Variants in COX10 observed in about 807,000 individuals in gnomAD.
The protein encoded by COX10 is cytochrome c oxidase assembly factor heme A:farnesyltransferase COX10.
Under a neutral mutation model 37.3 loss-of-function variants are expected in COX10, and 27 were observed. The ratio of observed to expected loss-of-function variants is 0.72; its 90% CI spans 0.53 to 1.00. COX10 has a LOEUF of 1.00. Among genes scored for constraint, COX10 ranks in the 50% least tolerant of loss-of-function variants. The pLI is 0.00. For missense variants in COX10, 475 were observed against 563.2 expected (o/e 0.84, Z 1.59); for synonymous variants, 222 against 229.1 (o/e 0.97, Z 0.28).
At chr17:14,119,547 T>C (rs578160909) in intron 4 of COX10, among the ~76,000 whole-genome samples, 12 of 152,186 alleles carry the variant, frequency 7.9e-5, no homozygotes, top group Non-Finnish European at 1.0e-4. Flanking sequence ...AAAATTGCTT[T>C]AGTGGGAGCT....
intron 6 of COX10, 132 bp from the exon 7 acceptor site, chr17:14,206,678 G>A (rs1906709959): frequency 7.0e-6 from 8 of 1,139,454 alleles, no homozygotes; most frequent in Admixed American, 3.5e-5. Flanking sequence ...ATGTAGGCAG[G>A]CAGCGATGAG....
At position 14,124,613 on chromosome 17, in the gene COX10, A is replaced by G. The variant is rs1363924567; in HGVS notation, c.624+22371A>G. The stretch of plus-strand genomic sequence containing the variant: ...ATTAAGATGGTATATTCATTTCATA[A>G]CAGTTGATTGTTAGGATTACATAAG... On this transcript the variant is annotated intron_variant, in intron 4 of 6. Coordinates refer to ENST00000261643, the MANE Select transcript of COX10 (RefSeq NM_001303.4). 2.0e-5 allele frequency among the ~76,000 whole-genome samples: 3 copies of G among 152,130 alleles called. No individual in the cohort carries two copies. The South Asian group carries it at 6.2e-4, about 32-fold the overall frequency.
At chr17:14,075,564 G>A (rs1222118704) in intron 2 of COX10, among the ~76,000 whole-genome samples, 1 of 152,124 alleles carries the variant, frequency 6.6e-6, no homozygotes, top group East Asian at 1.9e-4. Context: ...CTGTTTAGAA[G>A]ATTAAATGAG....
At chr17:14,073,523 G>A (rs1408821904) in intron 1 of COX10, among the ~76,000 whole-genome samples, 1 of 152,158 alleles carries the variant, frequency 6.6e-6, no homozygotes, top group Non-Finnish European at 1.5e-5. Context: ...CTCTAGAAAT[G>A]GTTTGAAGAT....
intron 4 of COX10, among the ~76,000 whole-genome samples, chr17:14,137,950 G>GTTT (rs55924353): frequency 6.0e-5 from 8 of 134,396 alleles, no homozygotes; most frequent in Admixed American, 7.3e-5. Context: ...ACACAATTCA[G>GTTT]TTTTTTTTTT....
intron 4 of COX10, among the ~76,000 whole-genome samples, chr17:14,129,558 G>T (rs368038645): frequency 3.9e-5 from 6 of 152,136 alleles, no homozygotes; most frequent in Non-Finnish European, 5.9e-5. Context: ...TTTTATTTAG[G>T]CTTATATGGA....
rs571728903 is a variant in COX10, at chr17:14,144,789, G to A, written c.625-15088G>A. On this transcript the variant is annotated intron_variant, in intron 4 of 6. Transcript: ENST00000261643. ...ATGCTGGCTACGATGTGAGCTCAAA[G>A]TTTTCTTTTCTTTTTCTTTTTTTTC... is the stretch of plus-strand genomic sequence containing the variant. Among the ~76,000 whole-genome samples, 8 of 152,210 alleles carry A rather than the reference G, an allele frequency of 5.3e-5. No homozygotes were observed. The East Asian group carries it at 1.4e-3, about 26-fold the overall frequency.
intron 3 of COX10, among the ~76,000 whole-genome samples, chr17:14,098,693 AC>A (rs1389029238): frequency 6.6e-6 from 1 of 152,166 alleles, no homozygotes; most frequent in African/African-American, 2.4e-5. Flanking sequence ...CCCCATTGGC[AC>A]AAGGGTAAAA....
chr17:14,187,349 T>C (rs1199342526), intron 5 of COX10, among the ~76,000 whole-genome samples: 3 of 152,228 alleles, frequency 2.0e-5, no homozygotes, highest in African/African-American at 7.2e-5. Context: ...TGAAAAAAAG[T>C]ATATTGGTTG....
chr17:14,186,787 C>T (rs1051072762), intron 5 of COX10, among the ~76,000 whole-genome samples: 1 of 152,176 alleles, frequency 6.6e-6, no homozygotes, highest in African/African-American at 2.4e-5. Flanking sequence ...TCAGCAGACC[C>T]AGGAAAGAAG....
At chr17:14,116,891 C>G (rs1916127000) in intron 4 of COX10, among the ~76,000 whole-genome samples, 1 of 152,200 alleles carries the variant, frequency 6.6e-6, no homozygotes, top group Non-Finnish European at 1.5e-5. Context: ...TATCCCTCTT[C>G]TAATCAAAAC....
intron 5 of COX10, chr17:14,179,083 G>A (rs1370736667): frequency 6.0e-6 from 1 of 167,660 alleles, no homozygotes; most frequent in East Asian, 1.9e-4. Context: ...AATTCTTTCT[G>A]TGTGTTATAA....
Position 14,175,090 on chromosome 17 carries a change from G to GT in COX10, c.695+15143_695+15144insT. The stretch of plus-strand genomic sequence containing the variant: ...GTGGTTACTGGGAAATAGCGGGGGG[G>GT]GGGGGGGTGGATAGGAGGGAATTGG... On this transcript the variant is annotated intron_variant, in intron 5 of 6. Transcript: ENST00000261643. Among the ~76,000 whole-genome samples the GT allele has an allele frequency of 1.0e-4, 8 of 79,054 alleles. 2 individuals carry two copies. Among genetic ancestry groups the GT allele is most frequent in the African/African-American group, 2.2e-4 (6 of 27,148 alleles). The allele number at this position is 79,054 out of a possible 152,430, so 51.9% of individuals were successfully genotyped here.
At chr17:14,181,173 C>T (rs1905846047) in intron 5 of COX10, among the ~76,000 whole-genome samples, 1 of 152,094 alleles carries the variant, frequency 6.6e-6, no homozygotes, top group Non-Finnish European at 1.5e-5. Flanking sequence ...GATGGCCATA[C>T]AAAAGATGGA....
intron 4 of COX10, among the ~76,000 whole-genome samples, chr17:14,145,623 A>G (rs1297279842): frequency 6.6e-6 from 1 of 152,180 alleles, no homozygotes; most frequent in African/African-American, 2.4e-5. Flanking sequence ...AGAGCTTTGT[A>G]AGCCGTGTTA....
At chr17:14,086,893 C>G (rs895511036) in intron 3 of COX10, among the ~76,000 whole-genome samples, 1 of 152,020 alleles carries the variant, frequency 6.6e-6, no homozygotes, top group Non-Finnish European at 1.5e-5. Flanking sequence ...TATAATTTTC[C>G]GCTTCATTCT....
intron 3 of COX10, among the ~76,000 whole-genome samples, chr17:14,089,072 T>C (rs994441537): frequency 1.3e-5 from 2 of 152,198 alleles, no homozygotes; most frequent in African/African-American, 4.8e-5. Context: ...ACATCTATCA[T>C]TTTAAAAGCC....
chr17:14,167,187 T>G (rs1282411513), intron 5 of COX10, among the ~76,000 whole-genome samples: 1 of 152,090 alleles, frequency 6.6e-6, no homozygotes, highest in African/African-American at 2.4e-5. Context: ...AGCAAGAGAA[T>G]GAGAATTAGA....
At chr17:14,187,034 G>A (rs1292432404) in intron 5 of COX10, among the ~76,000 whole-genome samples, 1 of 151,476 alleles carries the variant, frequency 6.6e-6, no homozygotes, top group Non-Finnish European at 1.5e-5. Context: ...TATCCTATTG[G>A]CAAATTTTAT....
Sources: allele counts gnomAD v4.1 joint callset (sites outside exome capture counted in the v4.1 genomes callset), GRCh38; gene constraint gnomAD v4.1.1; transcripts MANE v1.5; gene names NCBI Gene and HGNC (gene_info 2026-07-23, HGNC 2026-07-21).